Variants in TAFA1 observed in about 807,000 individuals in gnomAD.
TAFA1 encodes chemokine-like protein TAFA-1.
Under a neutral mutation model 18.5 loss-of-function variants are expected in TAFA1, and 4 were observed. The observed-to-expected ratio is 0.22, with a 90% CI of 0.11 to 0.49. TAFA1 has a LOEUF of 0.49. TAFA1 is among the 20% of genes least tolerant of loss of function. TAFA1 has a pLI of 0.98. For missense variants in TAFA1, 147 were observed against 169.0 expected, an observed-to-expected ratio of 0.87 and a Z score of 0.72; for synonymous variants, 56 against 55.2, an observed-to-expected ratio of 1.01 and a Z score of -0.06.
intron 3 of TAFA1, among the ~76,000 whole-genome samples, chr3:68,452,483 A>T (rs989023233): frequency 6.7e-6 from 1 of 148,218 alleles, no homozygotes; most frequent in Non-Finnish European, 1.5e-5. Context: ...AGATCACGCC[A>T]CTACACTCCA....
At chr3:68,270,981 G>T (rs1049833723) in intron 2 of TAFA1, among the ~76,000 whole-genome samples, 1 of 152,034 alleles carries the variant, frequency 6.6e-6, no homozygotes, top group Non-Finnish European at 1.5e-5. Context: ...ACTCTTTGTG[G>T]AAAATGATAG....
At chr3:68,335,674 C>A (rs1364344652) in intron 2 of TAFA1, among the ~76,000 whole-genome samples, 1 of 151,970 alleles carries the variant, frequency 6.6e-6, no homozygotes, top group Non-Finnish European at 1.5e-5. Context: ...ATAATCATAT[C>A]CCAACTTTGG....
intron 2 of TAFA1, among the ~76,000 whole-genome samples, chr3:68,411,435 C>T (rs1014711768): frequency 6.6e-6 from 1 of 152,134 alleles, no homozygotes; most frequent in Non-Finnish European, 1.5e-5. Context: ...AATCATCTAC[C>T]CATCTAAATG....
intron 2 of TAFA1, among the ~76,000 whole-genome samples, chr3:68,272,495 T>G (rs564705619): frequency 6.6e-6 from 1 of 152,252 alleles, no homozygotes; most frequent in South Asian, 2.1e-4. Flanking sequence ...ATATGGTTAT[T>G]GAGTATAATG....
intron 2 of TAFA1, among the ~76,000 whole-genome samples, chr3:68,175,382 G>A (rs187713330): frequency 1.3e-5 from 2 of 152,310 alleles, no homozygotes; most frequent in Admixed American, 6.5e-5. Context: ...CTCAATTCTA[G>A]CCCATGAAAG....
At chr3:68,197,121 G>A (rs1029340580) in intron 2 of TAFA1, among the ~76,000 whole-genome samples, 1 of 151,612 alleles carries the variant, frequency 6.6e-6, no homozygotes, top group Non-Finnish European at 1.5e-5. Flanking sequence ...TTAAACCCCA[G>A]CAGTAATTGG....
At chr3:68,268,791 G>C (rs2067599931) in intron 2 of TAFA1, among the ~76,000 whole-genome samples, 1 of 152,042 alleles carries the variant, frequency 6.6e-6, no homozygotes, top group Non-Finnish European at 1.5e-5. Flanking sequence ...CTTTTCTGCT[G>C]TTAGAAAGAA....
chr3:68,030,049 T>C (rs1704897746), intron 2 of TAFA1, among the ~76,000 whole-genome samples: 1 of 152,198 alleles, frequency 6.6e-6, no homozygotes, highest in Admixed American at 6.5e-5. Flanking sequence ...AATTCCCATC[T>C]AAATAACTTT....
At chr3:68,084,689 T>C (rs1003349059) in intron 2 of TAFA1, among the ~76,000 whole-genome samples, 13 of 151,742 alleles carry the variant, frequency 8.6e-5, no homozygotes, top group African/African-American at 2.7e-4. Context: ...TCCCAGCTAC[T>C]TGGGAGGCTC....
intron 3 of TAFA1, among the ~76,000 whole-genome samples, chr3:68,497,356 G>T (rs1434935563): frequency 6.6e-6 from 1 of 152,154 alleles, no homozygotes; most frequent in African/African-American, 2.4e-5. Flanking sequence ...GGCAAGGCTG[G>T]TAGGAAGATA....
intron 2 of TAFA1, among the ~76,000 whole-genome samples, chr3:68,061,046 C>T (rs536308869): frequency 6.6e-6 from 1 of 152,242 alleles, no homozygotes; most frequent in African/African-American, 2.4e-5. Context: ...ATCTCTTTCT[C>T]AGCTTTGTTT....
At chr3:68,543,182 T>C (rs1274981839) in intron 4 of TAFA1, among the ~76,000 whole-genome samples, 1 of 152,164 alleles carries the variant, frequency 6.6e-6, no homozygotes, top group Non-Finnish European at 1.5e-5. Context: ...TTAGTGATTT[T>C]GGAGTCCCTA....
At chr3:68,023,083 C>G (rs371782824) in intron 2 of TAFA1, among the ~76,000 whole-genome samples, 4 of 150,924 alleles carry the variant, frequency 2.7e-5, no homozygotes, top group African/African-American at 9.7e-5. Context: ...ACTGGGGTAA[C>G]CTGATTCCAG....
the TAFA1 span, among the ~76,000 whole-genome samples, chr3:67,992,587 G>T: frequency 6.6e-6 from 1 of 152,096 alleles, no homozygotes; most frequent in African/African-American, 2.4e-5. Context: ...CATTAGATAT[G>T]GTATCCATTC....
At chr3:68,526,909 AC>A (rs1287294266) in intron 3 of TAFA1, among the ~76,000 whole-genome samples, 3 of 152,186 alleles carry the variant, frequency 2.0e-5, no homozygotes, top group Non-Finnish European at 2.9e-5. Context: ...AACATAAAAA[AC>A]ATTTGTTCTT....
At position 68,520,163 on chromosome 3, in the gene TAFA1, A is replaced by G. The variant is rs144963164; in HGVS notation, c.260-18593A>G. 1.8e-3 allele frequency among the ~76,000 whole-genome samples: 271 copies of G among 152,280 alleles called. 1 individual carries two copies. The highest frequency in any genetic ancestry group is 6.3e-3 in the African/African-American group (262 of 41,566). ...GGTTTTTGAGCTTGGCATTTGGGCT[A>G]GAGCCAACTTGAAAATTCAGAGCAT... On this transcript the variant is annotated intron_variant, in intron 3 of 4. Coordinates refer to ENST00000478136, the MANE Select transcript of TAFA1 (RefSeq NM_213609.4).
chr3:68,032,233 A>C (rs564728108), intron 2 of TAFA1, among the ~76,000 whole-genome samples: 77 of 152,318 alleles, frequency 5.1e-4, no homozygotes, highest in Non-Finnish European at 1.1e-3. Flanking sequence ...TAAAATATAG[A>C]CAAACATTTT....
intron 4 of TAFA1, among the ~76,000 whole-genome samples, chr3:68,543,682 C>T (rs2073413316): frequency 6.6e-6 from 1 of 152,070 alleles, no homozygotes; most frequent in South Asian, 2.1e-4. Context: ...AGAAAAATGC[C>T]ATATTTCCTG....
intron 3 of TAFA1, among the ~76,000 whole-genome samples, chr3:68,478,727 G>C (rs932111626): frequency 6.6e-6 from 1 of 151,976 alleles, no homozygotes; most frequent in Non-Finnish European, 1.5e-5. Context: ...TATAACATGT[G>C]AGTGTACAAG....
Sources: gnomAD v4.1 joint callset for allele counts (sites outside exome capture counted in the v4.1 genomes callset) on GRCh38, gnomAD v4.1.1 for gene constraint, MANE v1.5 for transcripts, NCBI Gene and HGNC (gene_info 2026-07-23, HGNC 2026-07-21) for gene names.